CCDC102B: variants seen among roughly 807,000 people sequenced by gnomAD.
CCDC102B encodes the protein coiled-coil domain containing 102B.
CCDC102B carries 75 observed loss-of-function variants against 57.4 expected under a neutral mutation model. That is an observed-to-expected ratio of 1.31 (90% confidence interval 1.08 to 1.58). CCDC102B has a LOEUF of 1.58. Among genes scored for constraint, CCDC102B ranks in the 40% most tolerant of loss-of-function variants. The pLI is 0.00. For synonymous variants in CCDC102B, 206 were observed against 201.9 expected (o/e 1.02, Z -0.17); for missense variants, 636 against 582.6 (o/e 1.09, Z -0.94).
At chr18:68,825,554 G>A (rs995041220) in intron 1 of CCDC102B, among the ~76,000 whole-genome samples, 7 of 152,078 alleles carry the variant, frequency 4.6e-5, no homozygotes, top group Non-Finnish European at 5.9e-5. Flanking sequence ...GTCAGGCATG[G>A]TGGTGCGTGC....
chr18:69,027,420 A>G (rs1169875896), intron 7 of CCDC102B, among the ~76,000 whole-genome samples: 1 of 152,194 alleles, frequency 6.6e-6, no homozygotes, highest in African/African-American at 2.4e-5. Context: ...ATACACACAC[A>G]TATATTTTTG....
intron 4 of CCDC102B, among the ~76,000 whole-genome samples, chr18:68,858,413 T>C (rs1473553416): frequency 6.6e-6 from 1 of 152,198 alleles, no homozygotes; most frequent in South Asian, 2.1e-4. Context: ...TTGAAATTCT[T>C]GGATCTCTTC....
chr18:68,899,918 C>T (rs1201088645), intron 6 of CCDC102B: 1 of 151,914 alleles, frequency 6.6e-6, no homozygotes, highest in Non-Finnish European at 1.5e-5. Flanking sequence ...CACATAAATC[C>T]CCATTGAGTA....
chr18:68,878,721 CTT>C (rs1420708163), intron 5 of CCDC102B, among the ~76,000 whole-genome samples: 1 of 152,054 alleles, frequency 6.6e-6, no homozygotes, highest in Non-Finnish European at 1.5e-5. Flanking sequence ...ATAAATTTCT[CTT>C]GTTTATAAGC....
intron 4 of CCDC102B, among the ~76,000 whole-genome samples, chr18:68,849,418 T>C (rs1024079436): frequency 6.6e-6 from 1 of 152,072 alleles, no homozygotes; most frequent in Non-Finnish European, 1.5e-5. Flanking sequence ...AATATTAATG[T>C]ATCTTATCGA....
chr18:68,751,080 T>G (rs866664778), intron 2 of CCDC102B, among the ~76,000 whole-genome samples: 4 of 151,942 alleles, frequency 2.6e-5, no homozygotes, highest in African/African-American at 7.3e-5. Flanking sequence ...CACAGAGAGA[T>G]AAAACAATAG....
At position 68,805,254 on chromosome 18, in the gene CCDC102B, T is replaced by C. The variant is rs185889164; in HGVS notation, c.-16+7073T>C. Among the ~76,000 whole-genome samples, 8 of 152,286 alleles carry C rather than the reference T, an allele frequency of 5.3e-5. No individual in the cohort carries two copies. The East Asian group carries it at 1.2e-3, about 22-fold the overall frequency. On this transcript the variant is annotated intron_variant, in intron 1 of 7. Coordinates refer to ENST00000360242, the MANE Select transcript of CCDC102B (RefSeq NM_024781.3). ...ATAGCTAATGTATGGGATTATTCAG[T>C]AGAATGTTTGTGATTTAATCAGGGA...
At chr18:68,775,984 G>C (rs890759189) in intron 2 of CCDC102B, among the ~76,000 whole-genome samples, 1 of 152,090 alleles carries the variant, frequency 6.6e-6, no homozygotes, top group Non-Finnish European at 1.5e-5. Flanking sequence ...GATATGCAGA[G>C]TGATGATACT....
chr18:68,908,829 A>G (rs1667813167), intron 6 of CCDC102B, among the ~76,000 whole-genome samples: 2 of 152,128 alleles, frequency 1.3e-5, no homozygotes, highest in South Asian at 2.1e-4. Context: ...GGTTACTTAC[A>G]TACTAGGTTT....
At chr18:69,033,700 G>A (rs147626311) in intron 7 of CCDC102B, among the ~76,000 whole-genome samples, 95 of 151,710 alleles carry the variant, frequency 6.3e-4, no homozygotes, top group Middle Eastern at 3.4e-3. Flanking sequence ...TTGTGTAGAT[G>A]TATGTTTTTT....
rs191581005 is a variant in CCDC102B at position 68,933,932 on chromosome 18, G to A, written c.1263+36504G>A. Among the ~76,000 whole-genome samples, 1,283 of 151,856 alleles carry A rather than the reference G, an allele frequency of 8.4e-3. 17 individuals carry two copies. The highest frequency in any genetic ancestry group is 0.029 in the African/African-American group (1,219 of 41,470). The stretch of plus-strand genomic sequence containing the variant: ...ATCCCAAAGGAACATTTGACAGGCC[G>A]GGAGAGGTATTTATGCATTATAATA... On this transcript the variant is annotated intron_variant, in intron 6 of 7. Transcript: ENST00000360242.
At chr18:68,861,079 C>G (rs2038729190) in intron 4 of CCDC102B, among the ~76,000 whole-genome samples, 1 of 149,974 alleles carries the variant, frequency 6.7e-6, no homozygotes, top group African/African-American at 2.5e-5. Context: ...AGTTGTGGTA[C>G]AGTGCCCAGC....
intron 7 of CCDC102B, among the ~76,000 whole-genome samples, chr18:69,031,125 A>G (rs947434478): frequency 5.9e-5 from 9 of 152,100 alleles, no homozygotes; most frequent in African/African-American, 1.9e-4. Context: ...AATTTCCCCT[A>G]TGTCTGTGTT....
intron 4 of CCDC102B, among the ~76,000 whole-genome samples, chr18:68,857,297 AT>A (rs1353867810): frequency 0.69 from 36,426 of 53,040 alleles, 12,849 homozygotes; most frequent in East Asian, 0.77. Context: ...TATATATTAT[AT>A]ATATAATATA....
At chr18:68,790,397 G>T (rs2035401862) in intron 2 of CCDC102B, among the ~76,000 whole-genome samples, 1 of 152,024 alleles carries the variant, frequency 6.6e-6, no homozygotes, top group Admixed American at 6.5e-5. Flanking sequence ...ACCTAAGCAA[G>T]CCTGGGCAAT....
chr18:68,978,766 TA>T (rs2050501634), intron 6 of CCDC102B, among the ~76,000 whole-genome samples: 1 of 152,066 alleles, frequency 6.6e-6, no homozygotes, highest in Non-Finnish European at 1.5e-5. Context: ...GTGATTATTT[TA>T]AAAGATACAG....
In CCDC102B at chr18:68,958,082, G is replaced by C. The variant is rs116165798; in HGVS notation, c.1264-52852G>C. 3.1e-3 allele frequency among the ~76,000 whole-genome samples: 472 copies of C among 152,198 alleles called. 5 individuals carry two copies. The highest frequency in any genetic ancestry group is 0.01 in the African/African-American group (431 of 41,540). On this transcript the variant is annotated intron_variant, in intron 6 of 7. Transcript: ENST00000360242. The stretch of plus-strand genomic sequence containing the variant: ...TCACATGCCAGCAGACAAGAGAAGA[G>C]AGCTAGTGCAGGCAAACTCAACTTT...
intron 7 of CCDC102B, among the ~76,000 whole-genome samples, chr18:69,043,055 G>A (rs986450795): frequency 2.0e-5 from 3 of 152,136 alleles, no homozygotes; most frequent in African/African-American, 7.2e-5. Flanking sequence ...TCTCCAAGAG[G>A]GGGATGTGTC....
chr18:68,912,002 A>C (rs2040893297), intron 6 of CCDC102B, among the ~76,000 whole-genome samples: 1 of 152,146 alleles, frequency 6.6e-6, no homozygotes, highest in Non-Finnish European at 1.5e-5. Context: ...TACTGAACTC[A>C]AGAAAATATT....
Sources: gnomAD v4.1 joint callset for allele counts (sites outside exome capture counted in the v4.1 genomes callset) on GRCh38, gnomAD v4.1.1 for gene constraint, MANE v1.5 for transcripts, NCBI Gene and HGNC (gene_info 2026-07-23, HGNC 2026-07-21) for gene names.